Variants in C21orf58 observed in about 807,000 individuals in gnomAD.
The protein encoded by C21orf58 is uncharacterized protein C21orf58.
C21orf58 carries 34 observed loss-of-function variants against 35.8 expected under a neutral mutation model. That is an observed-to-expected ratio of 0.95 (90% confidence interval 0.72 to 1.26). The LOEUF is 1.26. C21orf58 is among the 50% of genes most tolerant of loss of function. The probability of loss-of-function intolerance (pLI) is 0.00; values close to 1 mark genes in which losing one functional copy is unlikely to be tolerated. For synonymous variants in C21orf58, 191 were observed against 175.8 expected (o/e 1.09, Z -0.68); for missense variants, 440 against 414.3 (o/e 1.06, Z -0.54).
At chr21:46,308,290 G>A (rs568349385) in intron 6 of C21orf58, among the ~76,000 whole-genome samples, 5 of 151,882 alleles carry the variant, frequency 3.3e-5, no homozygotes, top group South Asian at 2.1e-4. Flanking sequence ...GAGAAACCCC[G>A]TCTCTACTAA....
At chr21:46,311,031 T>A (rs1023588358) in intron 6 of C21orf58, among the ~76,000 whole-genome samples, 2 of 151,642 alleles carry the variant, frequency 1.3e-5, no homozygotes, top group African/African-American at 4.8e-5. Context: ...ATCACCATGG[T>A]GAGCTGGTTT....
At chr21:46,311,650 C>A (rs2082695865) in intron 5 of C21orf58, 83 bp from the exon 6 acceptor site, 1 of 704,736 alleles carries the variant, frequency 1.4e-6, no homozygotes, top group South Asian at 2.5e-5. Flanking sequence ...CATCCACCCA[C>A]CCATCCAACC....
In C21orf58 at chr21:46,318,059, A is replaced by C. The variant is rs1316455185; in HGVS notation, c.262T>G (p.Ser88Ala). 3.1e-6 allele frequency: 5 copies of C among 1,613,372 alleles called. No homozygotes were observed. The highest frequency in any genetic ancestry group is 3.4e-6 in the Non-Finnish European group (4 of 1,180,000). ...AGTCGGGTCACTTGCTCTGCTGCTG[A>C]TGAGTCCAGCATGGTGGGAGCTGCA... is the stretch of plus-strand genomic sequence containing the variant. ...SPAAPTMLDS[S>A]AAEQVTRLTL... Residue 88 changes from serine to alanine, a missense_variant, in exon 2 of 8, where the codon TCA becomes GCA. Ser to Ala is a moderately conservative substitution (Grantham distance 99). Coordinates refer to ENST00000291691, the MANE Select transcript of C21orf58 (RefSeq NM_058180.5).
At chr21:46,303,553 A>G (rs941270083) in intron 6 of C21orf58, among the ~76,000 whole-genome samples, 5 of 150,692 alleles carry the variant, frequency 3.3e-5, no homozygotes, top group African/African-American at 9.8e-5. Context: ...AAAAAAGGAT[A>G]TTCAAGTAGC....
At chr21:46,319,164 G>A (rs1027307127) in intron 1 of C21orf58, 3 of 152,420 alleles carry the variant, frequency 2.0e-5, no homozygotes, top group African/African-American at 7.2e-5. Flanking sequence ...ATTGGGTGAA[G>A]GCTGGCTAGC....
rs2082682216 is a variant in C21orf58 at position 46,311,466 on chromosome 21, A to T, written c.711T>A (p.Ser237Arg). 1.3e-6 allele frequency: 2 copies of T among 1,587,710 alleles called. No homozygotes were observed. Among genetic ancestry groups the T allele is most frequent in the African/African-American group, 2.7e-5 (2 of 74,496 alleles). The change falls in exon 6 of 8, where the codon AGT becomes AGA. Residue 237 changes from serine to arginine, a missense_variant. Ser to Arg is a moderately radical substitution (Grantham distance 110, BLOSUM62 -1). Coordinates refer to ENST00000291691, the MANE Select transcript of C21orf58 (RefSeq NM_058180.5). Reference protein sequence around the residue: ...PQAFPTQRSGSIKEDMVELLL... With the variant: ...PQAFPTQRSGRIKEDMVELLL... ...ATATGGAACACTTACCTTCCTTAAT[A>T]CTTCCTGACCGTTGAGTAGGGAAGG...
At chr21:46,310,593 G>A (rs927744970) in intron 6 of C21orf58, among the ~76,000 whole-genome samples, 2 of 151,824 alleles carry the variant, frequency 1.3e-5, no homozygotes, top group African/African-American at 4.8e-5. Flanking sequence ...CGGATCACCT[G>A]AGGTTGGGAG....
intron 1 of C21orf58, among the ~76,000 whole-genome samples, chr21:46,319,538 G>A (rs1174620541): frequency 6.6e-6 from 1 of 152,172 alleles, no homozygotes; most frequent in African/African-American, 2.4e-5. Context: ...CAAGGCAGAA[G>A]GATCACTTGA....
intron 1 of C21orf58, chr21:46,318,858 G>A (rs561586778): frequency 3.8e-4 from 371 of 986,932 alleles, no homozygotes; most frequent in Non-Finnish European, 4.3e-4. Context: ...AAACAGGAGC[G>A]TGGTCTGCAC....
intron 5 of C21orf58, among the ~76,000 whole-genome samples, chr21:46,314,197 C>T (rs2082868773): frequency 2.0e-5 from 3 of 147,618 alleles, no homozygotes; most frequent in Non-Finnish European, 4.4e-5. Context: ...CCTGCCTCAG[C>T]CTCCTGAGTA....
At chr21:46,320,109 AT>A (rs752401484) in intron 1 of C21orf58, among the ~76,000 whole-genome samples, 25 of 149,880 alleles carry the variant, frequency 1.7e-4, no homozygotes, top group African/African-American at 5.6e-4. Flanking sequence ...CATCTTATGT[AT>A]TTTTTTTTGA....
At chr21:46,305,993 G>T (rs1481002781) in intron 6 of C21orf58, among the ~76,000 whole-genome samples, 2 of 151,706 alleles carry the variant, frequency 1.3e-5, no homozygotes, top group Non-Finnish European at 2.9e-5. Context: ...CCAGCTACTT[G>T]GGAGGCTGAG....
At chr21:46,320,144 G>C (rs1404630063) in intron 1 of C21orf58, among the ~76,000 whole-genome samples, 1 of 151,882 alleles carries the variant, frequency 6.6e-6, no homozygotes, top group African/African-American at 2.4e-5. Flanking sequence ...TCGTTGCCCA[G>C]GCTGGAGTGC....
At chr21:46,318,350 G>C (rs1043783048) in intron 1 of C21orf58, 130 bp from the exon 2 acceptor site, 2 of 1,479,286 alleles carry the variant, frequency 1.4e-6, no homozygotes, top group Non-Finnish European at 1.8e-6. Context: ...CAGGTTGCCA[G>C]GTTTCCACTG....
In C21orf58 at chr21:46,314,699, C is replaced by T. The variant is rs375301332; in HGVS notation, c.609+17G>A. On this transcript the variant is annotated intron_variant, in intron 5 of 7. Coordinates refer to ENST00000291691, the MANE Select transcript of C21orf58 (RefSeq NM_058180.5). Reference sequence around the variant, plus strand: ...GCCTCCCACTCTCAGATGTGCTCCTCGACTTCGCCCTCTTACCGTAGGCAG... The same window carrying T: ...GCCTCCCACTCTCAGATGTGCTCCTTGACTTCGCCCTCTTACCGTAGGCAG... 27 of 1,434,620 alleles carry T rather than the reference C, an allele frequency of 1.9e-5. No homozygotes were observed. In the African/African-American group the frequency reaches 2.3e-4, roughly 12 times the overall value. The allele number at this position is 1,434,620 out of a possible 1,614,324, so 88.9% of individuals were successfully genotyped here. A position where few individuals can be genotyped will look rare whatever the true frequency, so the allele number is the denominator to read the frequency against.
intron 3 of C21orf58, among the ~76,000 whole-genome samples, chr21:46,316,464 G>A (rs969249397): frequency 2.6e-5 from 4 of 152,116 alleles, no homozygotes; most frequent in Non-Finnish European, 5.9e-5. Flanking sequence ...TCAAAAAAAA[G>A]AAAAAGTCTA....
intron 6 of C21orf58, among the ~76,000 whole-genome samples, chr21:46,304,020 G>GTTTTT (rs34586952): frequency 9.0e-5 from 4 of 44,566 alleles, no homozygotes; most frequent in East Asian, 5.7e-4. Context: ...CAAAGTGCTG[G>GTTTTT]TTTTTTTTTT....
In C21orf58 at chr21:46,317,909, T is replaced by A. The variant is rs559116516; in HGVS notation, c.309+103A>T. 12 of 1,296,116 alleles carry A rather than the reference T, an allele frequency of 9.3e-6. No individual in the cohort carries two copies. The East Asian group carries it at 2.0e-4, about 21-fold the overall frequency. The allele number at this position is 1,296,116 out of a possible 1,614,324, so 80.3% of individuals were successfully genotyped here. A position where few individuals can be genotyped will look rare whatever the true frequency, so the allele number is the denominator to read the frequency against. ...GGGCTGCCAGCCCCAGGCCTAGCCC[T>A]TGGGGCCCTGCATTCTGCACCTGCA... is the stretch of plus-strand genomic sequence containing the variant. On this transcript the variant is annotated intron_variant, in intron 2 of 7. Coordinates refer to ENST00000291691, the MANE Select transcript of C21orf58 (RefSeq NM_058180.5).
At chr21:46,315,448 G>C in intron 4 of C21orf58, 26 bp downstream of exon 4, 2 of 1,451,548 alleles carry the variant, frequency 1.4e-6, no homozygotes, top group South Asian at 1.1e-5. Context: ...GCTCAGCCAG[G>C]TTCGCTCAGA....
Sources: allele counts gnomAD v4.1 joint callset (sites outside exome capture counted in the v4.1 genomes callset), GRCh38; gene constraint gnomAD v4.1.1; transcripts MANE v1.5; gene names NCBI Gene and HGNC (gene_info 2026-07-23, HGNC 2026-07-21).